The following CC2D2B variants were observed in gnomAD, a reference collection of about 807,000 sequenced individuals.
CC2D2B encodes protein CC2D2B.
A neutral mutation model predicts 161.2 loss-of-function variants in CC2D2B; 128 were observed. The observed-to-expected ratio is 0.79, with a 90% CI of 0.69 to 0.92. The LOEUF (loss-of-function observed/expected upper bound fraction) is 0.92, where lower values mean the gene tolerates loss of function less well. Ranked by LOEUF, CC2D2B falls within the 40% of genes least tolerant of loss-of-function variation. The pLI, the probability that CC2D2B is intolerant of heterozygous loss-of-function variation, is 0.00. For synonymous variants in CC2D2B, 391 were observed against 449.8 expected (o/e 0.87, Z 1.65); for missense variants, 1,173 against 1,375.1 (o/e 0.85, Z 2.32).
At chr10:96,009,985 C>T in intron 26 of CC2D2B, 62 bp downstream of exon 26, 1 of 1,010,440 alleles carries the variant, frequency 9.9e-7, no homozygotes, top group South Asian at 1.3e-5. Context: ...GAAAAACTTT[C>T]TGTTGTCTTT....
intron 11 of CC2D2B, among the ~76,000 whole-genome samples, chr10:95,960,867 A>G (rs2076737120): frequency 6.6e-6 from 1 of 152,104 alleles, no homozygotes; most frequent in African/African-American, 2.4e-5. Context: ...CCTCCCCAGC[A>G]CTTTCTTAGA....
intron 4 of CC2D2B, 128 bp downstream of exon 4, chr10:95,924,518 C>A: frequency 3.7e-6 from 2 of 535,226 alleles, no homozygotes; most frequent in Non-Finnish European, 3.3e-6. Flanking sequence ...CTAAAGTCTT[C>A]CTCTCTCTCT....
intron 30 of CC2D2B, 47 bp downstream of exon 30, chr10:96,016,361 A>C (rs750855619): frequency 7.8e-7 from 1 of 1,275,524 alleles, no homozygotes; most frequent in Non-Finnish European, 1.1e-6. Context: ...AAAGGAAATC[A>C]GATTTCAGCT....
At chr10:96,017,591 G>A (rs905809841) in intron 30 of CC2D2B, among the ~76,000 whole-genome samples, 1 of 152,082 alleles carries the variant, frequency 6.6e-6, no homozygotes. Context: ...GCTGCACAGC[G>A]TAGTTTTAAT....
At chr10:95,951,132 T>C (rs2076387543) in intron 10 of CC2D2B, among the ~76,000 whole-genome samples, 1 of 152,120 alleles carries the variant, frequency 6.6e-6, no homozygotes, top group African/African-American at 2.4e-5. Flanking sequence ...ATGTGCTTTT[T>C]AAAATATAAG....
Position 95,938,550 on chromosome 10 carries a change from A to C in CC2D2B, c.536-19A>C. On this transcript the variant is annotated intron_variant, in intron 7 of 34. Transcript: ENST00000646931. Reference sequence around the variant, plus strand: ...TATTTTGGACTTTAAAGTAATATCTAAGTTTTATTGTTATAAAGTGGTTAA... The same window carrying C: ...TATTTTGGACTTTAAAGTAATATCTCAGTTTTATTGTTATAAAGTGGTTAA... 1.5e-6 allele frequency: 1 copy of C among 670,402 alleles called. No homozygotes were observed. The highest frequency in any genetic ancestry group is 1.7e-5 in the South Asian group (1 of 57,826). The allele number at this position is 670,402 out of a possible 1,614,324, so 41.5% of individuals were successfully genotyped here. A position where few individuals can be genotyped will look rare whatever the true frequency, so the allele number is the denominator to read the frequency against.
At chr10:96,002,137 C>G (rs2078524775) in intron 24 of CC2D2B, among the ~76,000 whole-genome samples, 1 of 152,068 alleles carries the variant, frequency 6.6e-6, no homozygotes, top group South Asian at 2.1e-4. Flanking sequence ...GATACATAAA[C>G]TTATAAGTGA....
intron 3 of CC2D2B, among the ~76,000 whole-genome samples, chr10:95,923,006 G>A (rs2098530709): frequency 1.3e-5 from 2 of 151,274 alleles, no homozygotes; most frequent in Non-Finnish European, 2.9e-5. Context: ...AGACTGGAGT[G>A]CAATGGCGTG....
intron 11 of CC2D2B, among the ~76,000 whole-genome samples, chr10:95,955,981 A>G (rs2076556039): frequency 6.6e-6 from 1 of 152,194 alleles, no homozygotes; most frequent in Non-Finnish European, 1.5e-5. Context: ...TTCCAAGACA[A>G]AACATATTCA....
intron 4 of CC2D2B, 80 bp from the exon 5 acceptor site, chr10:95,924,699 A>T: frequency 1.1e-6 from 1 of 889,008 alleles, no homozygotes; most frequent in Non-Finnish European, 1.8e-6. Context: ...CAAAGTATTG[A>T]TATTTATAAA....
At chr10:95,969,373 T>C (rs1020375072) in intron 15 of CC2D2B, among the ~76,000 whole-genome samples, 1 of 152,064 alleles carries the variant, frequency 6.6e-6, no homozygotes, top group Non-Finnish European at 1.5e-5. Flanking sequence ...ACCCCCAGTC[T>C]CTGTGCAAAG....
At chr10:95,996,374 AT>A (rs1264827494) in intron 24 of CC2D2B, 122 bp downstream of exon 24, 5 of 547,996 alleles carry the variant, frequency 9.1e-6, no homozygotes, top group Non-Finnish European at 1.6e-5. Context: ...AAATTTTGAA[AT>A]ATTTCATGCA....
intron 5 of CC2D2B, among the ~76,000 whole-genome samples, chr10:95,925,410 G>A (rs546018388): frequency 1.3e-5 from 2 of 152,256 alleles, no homozygotes; most frequent in South Asian, 4.1e-4. Context: ...GGAACTCAGG[G>A]CCCTAGAGCT....
At chr10:95,951,638 G>A (rs887739333) in intron 10 of CC2D2B, among the ~76,000 whole-genome samples, 1 of 152,052 alleles carries the variant, frequency 6.6e-6, no homozygotes, top group African/African-American at 2.4e-5. Context: ...CATTTAAAAA[G>A]TGATTTGATC....
chr10:95,953,487 C>T (rs2076473185), intron 10 of CC2D2B, among the ~76,000 whole-genome samples: 1 of 152,222 alleles, frequency 6.6e-6, no homozygotes, highest in African/African-American at 2.4e-5. Context: ...CAGGCATGAG[C>T]CACTGAGCTT....
intron 28 of CC2D2B, 51 bp from the exon 29 acceptor site, chr10:96,013,737 C>A: frequency 9.2e-7 from 1 of 1,090,982 alleles, no homozygotes; most frequent in Non-Finnish European, 1.4e-6. Flanking sequence ...AAGCATTGTG[C>A]TAAGTGATGG....
At chr10:95,958,042 A>T (rs2076633370) in intron 11 of CC2D2B, among the ~76,000 whole-genome samples, 2 of 151,398 alleles carry the variant, frequency 1.3e-5, no homozygotes, top group Non-Finnish European at 2.9e-5. Flanking sequence ...AGAATAAATC[A>T]ACAGAAACTA....
rs749771067 is a variant in CC2D2B, at chr10:96,019,762, G to C, written c.3826G>C (p.Glu1276Gln). The C allele has an allele frequency of 6.2e-7, 1 of 1,603,560 alleles. No homozygotes were observed. The highest frequency in any genetic ancestry group is 1.7e-5 in the Admixed American group (1 of 57,220). ...PMAVFFDYSK[E>Q]SFWKQLLPKN... ...GGCTGTATTTTTTGACTATTCAAAG[G>C]AAAGTTTCTGGAAGCAGTTGCTTCC... Residue 1276 changes from glutamate (E) to glutamine (Q), a missense_variant, in exon 32 of 35, where the codon GAA (glutamate) becomes CAA (glutamine). Glu to Gln is a conservative substitution (Grantham distance 29). Coordinates refer to ENST00000646931, the MANE Select transcript of CC2D2B (RefSeq NM_001349008.3).
intron 12 of CC2D2B, 87 bp from the exon 13 acceptor site, chr10:95,965,809 G>A (rs2076921781): frequency 2.6e-6 from 1 of 391,486 alleles, no homozygotes; most frequent in African/African-American, 2.1e-5. Context: ...GTGTGTGTGT[G>A]TGTGTGTGTG....
Sources: allele counts gnomAD v4.1 joint callset (sites outside exome capture counted in the v4.1 genomes callset), GRCh38; gene constraint gnomAD v4.1.1; transcripts MANE v1.5; gene names NCBI Gene and HGNC (gene_info 2026-07-23, HGNC 2026-07-21).